SND1: variants seen among roughly 807,000 people sequenced by gnomAD.
SND1 encodes staphylococcal nuclease and tudor domain containing 1.
SND1 carries 38 observed loss-of-function variants against 121.7 expected under a neutral mutation model. The observed-to-expected ratio is 0.31, with a 90% confidence interval of 0.24 to 0.41. The LOEUF (loss-of-function observed/expected upper bound fraction) is 0.41. Ranked by LOEUF, SND1 falls within the 10% of genes least tolerant of loss-of-function variation. SND1 has a pLI of 1.00. For synonymous variants in SND1, 401 were observed against 447.4 expected (o/e 0.90, Z 1.31); for missense variants, 868 against 1,184.6 (o/e 0.73, Z 3.92).
At chr7:127,898,949 A>G (rs1254635120) in intron 13 of SND1, among the ~76,000 whole-genome samples, 1 of 152,192 alleles carries the variant, frequency 6.6e-6, no homozygotes, top group Non-Finnish European at 1.5e-5. Context: ...GGGAAAGCCA[A>G]CAAACCTCAT....
intron 15 of SND1, among the ~76,000 whole-genome samples, chr7:127,950,369 TAAA>T (rs1801434490): frequency 6.6e-6 from 1 of 152,196 alleles, no homozygotes; most frequent in Non-Finnish European, 1.5e-5. Context: ...GTTTCCGCAT[TAAA>T]GAAGTGGAGA....
At chr7:127,841,378 T>C (rs1226840896) in intron 11 of SND1, among the ~76,000 whole-genome samples, 4 of 152,180 alleles carry the variant, frequency 2.6e-5, no homozygotes, top group African/African-American at 7.2e-5. Flanking sequence ...TCGTTCCTCA[T>C]TTCCACATAT....
chr7:128,080,168 T>C (rs1793572574), intron 17 of SND1, among the ~76,000 whole-genome samples: 1 of 152,264 alleles, frequency 6.6e-6, no homozygotes. Context: ...TCCTTATTCC[T>C]GTGTGCGTCT....
At chr7:127,941,080 A>G (rs779629022) in intron 15 of SND1, among the ~76,000 whole-genome samples, 20 of 152,398 alleles carry the variant, frequency 1.3e-4, no homozygotes, top group Non-Finnish European at 2.6e-4. Context: ...AACAATCCAC[A>G]GAAGTTCGTT....
chr7:127,789,696 A>G (rs1797875989), intron 10 of SND1, among the ~76,000 whole-genome samples: 1 of 152,188 alleles, frequency 6.6e-6, no homozygotes. Context: ...TGGCCATGAT[A>G]GTTCTTTCAG....
intron 15 of SND1, among the ~76,000 whole-genome samples, chr7:127,938,722 C>T (rs1326672720): frequency 6.6e-6 from 1 of 152,210 alleles, no homozygotes; most frequent in African/African-American, 2.4e-5. Context: ...ATTGAGCCTT[C>T]ACTGCTCCAC....
intron 10 of SND1, among the ~76,000 whole-genome samples, chr7:127,783,735 G>A (rs940054672): frequency 6.6e-6 from 1 of 152,146 alleles, no homozygotes; most frequent in Non-Finnish European, 1.5e-5. Flanking sequence ...TAATCATCAA[G>A]CACTTATTGA....
rs140517971 is a variant in SND1 at position 128,029,471 on chromosome 7, T to G, written c.1779+38415T>G. The G allele has an allele frequency of 2.3e-4, 376 of 1,614,144 alleles. 7 individuals are homozygous for G. In the East Asian group the frequency reaches 8.3e-3, roughly 36 times the overall value. ...GGTGGCGGGAGGCGTGGCTGAGCAC[T>G]GTCCCATTGGGCAGCAACCACTTCA... is the stretch of plus-strand genomic sequence containing the variant. On this transcript the variant is annotated intron_variant, in intron 16 of 23. Transcript: ENST00000354725. This position sits in a 1 kb window ranked among gnomAD's most constrained non-coding sequence, Gnocchi z 4.2.
intron 13 of SND1, among the ~76,000 whole-genome samples, chr7:127,889,226 T>G (rs1232208050): frequency 1.3e-5 from 2 of 152,108 alleles, no homozygotes; most frequent in Admixed American, 1.3e-4. Context: ...AGTTCGTGAT[T>G]GGTGTTTTCT....
chr7:127,953,079 AC>A (rs1481249680), intron 15 of SND1, among the ~76,000 whole-genome samples: 1 of 150,484 alleles, frequency 6.6e-6, no homozygotes, highest in Non-Finnish European at 1.5e-5. Flanking sequence ...TGGGAGGATC[AC>A]TTGAGCCTGG....
intron 16 of SND1, chr7:127,999,458 A>C (rs2116930190): frequency 6.6e-6 from 1 of 151,930 alleles, no homozygotes; most frequent in East Asian, 1.9e-4. Flanking sequence ...CCCAAGTAGA[A>C]GCAATAGAAA....
chr7:127,887,682 C>T (rs2116730839), intron 12 of SND1, among the ~76,000 whole-genome samples: 1 of 151,176 alleles, frequency 6.6e-6, no homozygotes, highest in East Asian at 2.0e-4. Flanking sequence ...ATTGATATAG[C>T]ATCTGACTGT....
intron 15 of SND1, among the ~76,000 whole-genome samples, chr7:127,989,166 C>T (rs1462496403): frequency 6.6e-6 from 1 of 152,228 alleles, no homozygotes; most frequent in Non-Finnish European, 1.5e-5. Context: ...CAGGCCGGCA[C>T]TGAAGTGCCA....
chr7:127,718,759 G>A (rs1397768626), intron 9 of SND1: 1 of 985,012 alleles, frequency 1.0e-6, no homozygotes. Flanking sequence ...GCAGGTAAAG[G>A]TGTGAGCACT....
intron 15 of SND1, among the ~76,000 whole-genome samples, chr7:127,981,481 C>G (rs886905446): frequency 3.3e-5 from 5 of 152,106 alleles, no homozygotes; most frequent in Non-Finnish European, 5.9e-5. Context: ...ACAGCCTGCT[C>G]TTGGGATGCC....
chr7:127,827,805 G>T lies in SND1; in HGVS notation c.1243-16519G>T, dbSNP rs117246500. ...TATTCTCAACATGCCTATGCATCTTGGTTTGTCTTTTACAGAGAAAAATAA... is the reference window on the plus strand; with the variant it reads ...TATTCTCAACATGCCTATGCATCTTTGTTTGTCTTTTACAGAGAAAAATAA... On this transcript the variant is annotated intron_variant, in intron 11 of 23. Transcript: ENST00000354725. 6.8e-3 allele frequency among the ~76,000 whole-genome samples: 1,024 copies of T among 151,666 alleles called. 5 individuals are homozygous for T. The highest frequency in any genetic ancestry group is 0.011 in the Non-Finnish European group (752 of 67,902).
At chr7:127,800,990 A>T (rs753694574) in intron 10 of SND1, among the ~76,000 whole-genome samples, 1 of 152,168 alleles carries the variant, frequency 6.6e-6, no homozygotes, top group Non-Finnish European at 1.5e-5. Context: ...TCCATTTGCT[A>T]TGTTGCTCTA....
At chr7:127,773,701 C>G (rs1797560646) in intron 10 of SND1, among the ~76,000 whole-genome samples, 1 of 152,114 alleles carries the variant, frequency 6.6e-6, no homozygotes, top group Non-Finnish European at 1.5e-5. Context: ...GAAAAAAAAT[C>G]TGTTGTGGGT....
chr7:127,890,337 T>C (rs566991192), intron 13 of SND1, among the ~76,000 whole-genome samples: 7 of 152,310 alleles, frequency 4.6e-5, no homozygotes, highest in African/African-American at 1.7e-4. Context: ...TTGAGAAATG[T>C]CTATTCAAAT....
Sources: allele counts gnomAD v4.1 joint callset (sites outside exome capture counted in the v4.1 genomes callset), GRCh38; gene constraint gnomAD v4.1.1; non-coding constraint Gnocchi (gnomAD v3.1); transcripts MANE v1.5; gene names NCBI Gene and HGNC (gene_info 2026-07-23, HGNC 2026-07-21).